IGF1: variants seen among roughly 807,000 people sequenced by gnomAD.
The protein encoded by IGF1 is insulin-like growth factor 1.
A neutral mutation model predicts 13.8 loss-of-function variants in IGF1; 4 were observed. That is an observed-to-expected ratio of 0.29 (90% CI 0.14 to 0.66). The LOEUF is 0.66. Ranked by LOEUF, IGF1 falls within the 30% of genes least tolerant of loss-of-function variation. IGF1 has a pLI of 0.78. For synonymous variants in IGF1, 76 were observed against 72.6 expected, an observed-to-expected ratio of 1.05 and a Z score of -0.23; for missense variants, 124 against 188.5, an observed-to-expected ratio of 0.66 and a Z score of 2.00.
At chr12:102,454,688 G>A (rs544020924) in intron 2 of IGF1, among the ~76,000 whole-genome samples, 2 of 152,214 alleles carry the variant, frequency 1.3e-5, no homozygotes, top group Non-Finnish European at 2.9e-5. Flanking sequence ...AGCCAGTAGA[G>A]TTATCCAATG....
At chr12:102,458,806 G>T (rs1879665260) in intron 2 of IGF1, among the ~76,000 whole-genome samples, 1 of 150,804 alleles carries the variant, frequency 6.6e-6, no homozygotes, top group African/African-American at 2.4e-5. Flanking sequence ...AGGAAAGAGG[G>T]TTGACATCTG....
intron 3 of IGF1, among the ~76,000 whole-genome samples, chr12:102,407,026 G>A (rs1388150087): frequency 6.8e-6 from 1 of 146,438 alleles, no homozygotes; most frequent in Non-Finnish European, 1.5e-5. Flanking sequence ...CCCAGGAGGC[G>A]GAGGTTGCAG....
intron 3 of IGF1, among the ~76,000 whole-genome samples, chr12:102,404,379 G>T (rs2136945554): frequency 1.3e-5 from 2 of 152,288 alleles, no homozygotes; most frequent in Middle Eastern, 6.8e-3. Context: ...AATACCTATT[G>T]GCCAAGGCCC....
At chr12:102,414,714 G>A (rs1296024031) in intron 3 of IGF1, among the ~76,000 whole-genome samples, 1 of 152,144 alleles carries the variant, frequency 6.6e-6, no homozygotes, top group Admixed American at 6.5e-5. Flanking sequence ...ATGAGCCACT[G>A]TGCCCAGCCT....
intron 3 of IGF1, among the ~76,000 whole-genome samples, chr12:102,409,708 C>T (rs550798013): frequency 5.9e-5 from 9 of 152,136 alleles, no homozygotes; most frequent in South Asian, 4.1e-4. Context: ...TAGCCCAAGA[C>T]GTTGGCAAGA....
intron 2 of IGF1, among the ~76,000 whole-genome samples, chr12:102,465,663 G>C (rs2137221145): frequency 6.6e-6 from 1 of 152,336 alleles, no homozygotes; most frequent in Admixed American, 6.5e-5. Flanking sequence ...CTGGCTGGGT[G>C]CGGTGGCTCA....
rs371947838 is a variant in IGF1, at chr12:102,402,244, AT to A, written c.*262del. The A allele has an allele frequency of 0.028, 6,333 of 227,134 alleles. 144 individuals carry two copies. Among genetic ancestry groups the A allele is most frequent in the African/African-American group, 0.072 (3,038 of 42,178 alleles). The allele number at this position is 227,134 out of a possible 1,614,324, so 14.1% of individuals were successfully genotyped here. ...GGGACTAAGATATATATATATATATATTTTTTTTTTCTTTTCTATAGAACAT... is the reference window on the plus strand; with the variant it reads ...GGGACTAAGATATATATATATATATATTTTTTTTTCTTTTCTATAGAACAT... On this transcript the variant is annotated 3_prime_UTR_variant, in exon 4 of 4. Coordinates refer to ENST00000337514, the MANE Select transcript of IGF1 (RefSeq NM_000618.5).
intron 2 of IGF1, chr12:102,423,260 A>G (rs1279615985): frequency 1.1e-4 from 3 of 27,024 alleles, no homozygotes; most frequent in Non-Finnish European, 2.5e-4. Flanking sequence ...CGATGCTACG[A>G]AAAAAAAAAA....
intron 1 of IGF1, chr12:102,478,401 T>C (rs889378670): frequency 4.9e-6 from 4 of 824,334 alleles, no homozygotes; most frequent in Admixed American, 7.4e-5. Flanking sequence ...CTTAGATAAA[T>C]GGAATATTAA....
chr12:102,441,939 T>TCTCCTTCTCCTTCTC (rs1877836980), intron 2 of IGF1, among the ~76,000 whole-genome samples: 1 of 136,776 alleles, frequency 7.3e-6, no homozygotes, highest in Non-Finnish European at 1.6e-5. Flanking sequence ...TTCTTCTTCT[T>TCTCCTTCTCCTTCTC]CTTCTTCTTC....
chr12:102,446,926 T>A (rs1338425317), intron 2 of IGF1, among the ~76,000 whole-genome samples: 1 of 152,170 alleles, frequency 6.6e-6, no homozygotes, highest in Non-Finnish European at 1.5e-5. Context: ...CATTTTGTCT[T>A]TTTTTTCTTA....
chr12:102,421,023 C>T (rs1403099747), intron 2 of IGF1, among the ~76,000 whole-genome samples: 1 of 152,218 alleles, frequency 6.6e-6, no homozygotes, highest in Non-Finnish European at 1.5e-5. Context: ...AGATCAGGCC[C>T]ATGGTAATGG....
Position 102,400,198 on chromosome 12 carries a change from T to A in IGF1, c.*2309A>T, listed in dbSNP as rs1379852932. The A allele has an allele frequency of 1.3e-5, 2 of 151,968 alleles. No homozygotes were observed. Among genetic ancestry groups the A allele is most frequent in the African/African-American group, 4.8e-5 (2 of 41,390 alleles). The allele number at this position is 151,968 out of a possible 1,614,324, so 9.4% of individuals were successfully genotyped here. On this transcript the variant is annotated 3_prime_UTR_variant, in exon 4 of 4. Coordinates refer to ENST00000337514, the MANE Select transcript of IGF1 (RefSeq NM_000618.5). ...AGTGGGAGAAAAACTGAAGATGTTA[T>A]TTTTGTTTTTCATATAGACTTTCCA...
intron 2 of IGF1, among the ~76,000 whole-genome samples, chr12:102,474,361 A>G (rs922604460): frequency 6.6e-6 from 1 of 152,242 alleles, no homozygotes; most frequent in African/African-American, 2.4e-5. Flanking sequence ...GCCTATTCAA[A>G]TAGTAGAAGG....
intron 2 of IGF1, among the ~76,000 whole-genome samples, chr12:102,434,671 A>T (rs1877065485): frequency 6.6e-6 from 1 of 152,144 alleles, no homozygotes; most frequent in Admixed American, 6.6e-5. Context: ...AAGTAATGGG[A>T]TGGCTGGGTC....
At chr12:102,460,290 A>G (rs1479481544) in intron 2 of IGF1, among the ~76,000 whole-genome samples, 2 of 152,184 alleles carry the variant, frequency 1.3e-5, no homozygotes, top group Non-Finnish European at 2.9e-5. Flanking sequence ...TAGAATATCA[A>G]TTCCATGTGC....
At position 102,400,019 on chromosome 12, in the gene IGF1, G is replaced by A. The variant is rs1322366746; in HGVS notation, c.*2488C>T. The stretch of plus-strand genomic sequence containing the variant: ...GAACATTGCTAAGCATGCTTGAGGT[G>A]CTCAATTCAAATAATGTTGGACTGA... On this transcript the variant is annotated 3_prime_UTR_variant, in exon 4 of 4. Transcript: ENST00000337514. 1 of 152,104 alleles carries A rather than the reference G, an allele frequency of 6.6e-6. No individual in the cohort carries two copies. Among genetic ancestry groups the A allele is most frequent in the African/African-American group, 2.4e-5 (1 of 41,416 alleles). The allele number at this position is 152,104 out of a possible 1,614,324, so 9.4% of individuals were successfully genotyped here. A position where few individuals can be genotyped will look rare whatever the true frequency, so the allele number is the denominator to read the frequency against.
At chr12:102,417,933 C>T (rs1295095894) in intron 3 of IGF1, 2 of 1,613,752 alleles carry the variant, frequency 1.2e-6, no homozygotes, top group Non-Finnish European at 8.5e-7. Context: ...CTGTTCCCCT[C>T]CTGGATGTGT....
chr12:102,469,818 T>C lies in IGF1; in HGVS notation c.220+5825A>G, dbSNP rs17884900. 8.0e-3 allele frequency among the ~76,000 whole-genome samples: 1,225 copies of C among 152,184 alleles called. 8 individuals are homozygous for C. Among genetic ancestry groups the C allele is most frequent in the Non-Finnish European group, 0.014 (962 of 68,014 alleles). On this transcript the variant is annotated intron_variant, in intron 2 of 3. Transcript: ENST00000337514. ...ATTTCTCATTTGTCCCATGAAGCAA[T>C]AATCTTTGCCCACCAAAAGTGGAGT...
Sources: gnomAD v4.1 joint callset for allele counts (sites outside exome capture counted in the v4.1 genomes callset) on GRCh38, gnomAD v4.1.1 for gene constraint, MANE v1.5 for transcripts, NCBI Gene and HGNC (gene_info 2026-07-23, HGNC 2026-07-21) for gene names.